The following SGK3 variants were observed in gnomAD, a reference collection of about 807,000 sequenced individuals.
The protein encoded by SGK3 is serine/threonine-protein kinase Sgk3.
Under a neutral mutation model 68.5 loss-of-function variants are expected in SGK3, and 47 were observed. The ratio of observed to expected loss-of-function variants is 0.69; its 90% CI spans 0.54 to 0.87. SGK3 has a LOEUF of 0.87. Among genes scored for constraint, SGK3 ranks in the 40% least tolerant of loss-of-function variants. SGK3 has a pLI of 0.00. For synonymous variants in SGK3, 181 were observed against 189.1 expected (o/e 0.96, Z 0.35); for missense variants, 479 against 575.5 (o/e 0.83, Z 1.72).
chr8:66,789,809 G>A (rs1585719074), intron 1 of SGK3, among the ~76,000 whole-genome samples: 1 of 152,154 alleles, frequency 6.6e-6, no homozygotes, highest in Non-Finnish European at 1.5e-5. Context: ...TGGGTGTGGT[G>A]GCTTATGCCT....
chr8:66,744,323 C>T (rs1805564493), intron 1 of SGK3, among the ~76,000 whole-genome samples: 1 of 151,198 alleles, frequency 6.6e-6, no homozygotes, highest in African/African-American at 2.4e-5. Context: ...CTGTTGCTGC[C>T]TCTCTGGAAG....
chr8:66,833,331 TTC>T (rs1321922775), intron 8 of SGK3, among the ~76,000 whole-genome samples: 1 of 152,142 alleles, frequency 6.6e-6, no homozygotes, highest in Admixed American at 6.5e-5. Context: ...AGTTTTGTGT[TTC>T]TGTTTCTACA....
chr8:66,713,811 A>G (rs1351883172), intron 1 of SGK3, among the ~76,000 whole-genome samples: 1 of 152,198 alleles, frequency 6.6e-6, no homozygotes, highest in African/African-American at 2.4e-5. Flanking sequence ...CCCAAATGTC[A>G]TTGGAAGAGC....
chr8:66,823,492 G>C (rs1808931244), intron 6 of SGK3, among the ~76,000 whole-genome samples: 1 of 151,440 alleles, frequency 6.6e-6, no homozygotes, highest in Non-Finnish European at 1.5e-5. Flanking sequence ...GTGCCTCCCA[G>C]GTTCAAGTGA....
At chr8:66,803,562 C>T (rs1808037285) in intron 3 of SGK3, among the ~76,000 whole-genome samples, 1 of 152,056 alleles carries the variant, frequency 6.6e-6, no homozygotes, top group Non-Finnish European at 1.5e-5. Flanking sequence ...AAATATAACT[C>T]ATTTTTATGA....
At chr8:66,730,302 T>A (rs959316754) in intron 1 of SGK3, among the ~76,000 whole-genome samples, 4 of 152,164 alleles carry the variant, frequency 2.6e-5, no homozygotes, top group Admixed American at 6.5e-5. Flanking sequence ...TTAAAAAAAA[T>A]TTGGTTCTTT....
intron 1 of SGK3, among the ~76,000 whole-genome samples, chr8:66,759,821 G>A (rs1230899168): frequency 3.3e-5 from 5 of 151,988 alleles, no homozygotes; most frequent in Non-Finnish European, 5.9e-5. Context: ...TCCTGACCTC[G>A]TGATCCACCC....
intron 1 of SGK3, among the ~76,000 whole-genome samples, chr8:66,771,861 C>A (rs535132583): frequency 1.3e-5 from 2 of 151,732 alleles, no homozygotes; most frequent in Admixed American, 1.3e-4. Flanking sequence ...CTCCATGAAT[C>A]TCAAAGACTT....
At chr8:66,808,861 T>A (rs1267319369) in intron 4 of SGK3, among the ~76,000 whole-genome samples, 1 of 150,912 alleles carries the variant, frequency 6.6e-6, no homozygotes, top group Non-Finnish European at 1.5e-5. Context: ...GAAATAATTA[T>A]TTATTTATTT....
intron 10 of SGK3, among the ~76,000 whole-genome samples, chr8:66,837,405 G>A (rs766484662): frequency 1.1e-4 from 16 of 152,238 alleles, no homozygotes; most frequent in South Asian, 6.2e-4. Flanking sequence ...CTGCAAAACC[G>A]AAAGATGGTC....
intron 1 of SGK3, among the ~76,000 whole-genome samples, chr8:66,792,382 C>G (rs868731045): frequency 6.6e-6 from 1 of 150,822 alleles, no homozygotes; most frequent in South Asian, 2.1e-4. Context: ...AGCAGCAAAT[C>G]CAACAAGGGA....
intron 1 of SGK3, among the ~76,000 whole-genome samples, chr8:66,732,153 A>G (rs1238309440): frequency 6.6e-6 from 1 of 152,156 alleles, no homozygotes; most frequent in Non-Finnish European, 1.5e-5. Flanking sequence ...CACCTACAAG[A>G]ATTATATGAA....
chr8:66,788,792 T>A (rs943211093), intron 1 of SGK3, among the ~76,000 whole-genome samples: 9 of 152,244 alleles, frequency 5.9e-5, no homozygotes, highest in Non-Finnish European at 8.8e-5. Context: ...TGAACTTTCA[T>A]GAGTTTTTTT....
chr8:66,809,015 G>A (rs1439411128), intron 4 of SGK3, among the ~76,000 whole-genome samples: 3 of 151,388 alleles, frequency 2.0e-5, no homozygotes, highest in African/African-American at 4.9e-5. Context: ...GATTACAGGC[G>A]TGTGCCACCA....
intron 1 of SGK3, among the ~76,000 whole-genome samples, chr8:66,789,285 C>A (rs1000834347): frequency 1.1e-4 from 17 of 152,140 alleles, no homozygotes; most frequent in African/African-American, 4.1e-4. Context: ...AGTTTTAACA[C>A]CCCTGCATCC....
intron 1 of SGK3, among the ~76,000 whole-genome samples, chr8:66,725,489 ATT>A (rs990533653): frequency 1.4e-5 from 2 of 146,632 alleles, no homozygotes; most frequent in Non-Finnish European, 1.5e-5. Context: ...ACTTCTCACT[ATT>A]TTTTTTTTTA....
intron 1 of SGK3, among the ~76,000 whole-genome samples, chr8:66,792,894 A>G (rs1807524004): frequency 1.3e-5 from 2 of 152,194 alleles, no homozygotes; most frequent in African/African-American, 4.8e-5. Flanking sequence ...AGCCTGGGCA[A>G]CATAGCAACA....
At chr8:66,838,362 C>A (rs1002839716) in intron 10 of SGK3, among the ~76,000 whole-genome samples, 7 of 152,116 alleles carry the variant, frequency 4.6e-5, no homozygotes, top group African/African-American at 1.7e-4. Flanking sequence ...CCGCACCTGG[C>A]TGAAATTTTC....
intron 1 of SGK3, among the ~76,000 whole-genome samples, chr8:66,754,459 G>A (rs1805913903): frequency 6.6e-6 from 1 of 152,122 alleles, no homozygotes; most frequent in Non-Finnish European, 1.5e-5. Context: ...GATTTGCTGG[G>A]ACAGGTTGAG....
Sources: allele counts gnomAD v4.1 joint callset (sites outside exome capture counted in the v4.1 genomes callset), GRCh38; gene constraint gnomAD v4.1.1; transcripts MANE v1.5; gene names NCBI Gene and HGNC (gene_info 2026-07-23, HGNC 2026-07-21).